SNX19: variants seen among roughly 807,000 people sequenced by gnomAD.
SNX19 encodes the protein sorting nexin-19.
Under a neutral mutation model 85.2 loss-of-function variants are expected in SNX19, and 60 were observed. The ratio of observed to expected loss-of-function variants is 0.70; its 90% CI spans 0.57 to 0.87. The LOEUF is 0.87. Ranked by LOEUF, SNX19 falls within the 40% of genes least tolerant of loss-of-function variation. The pLI, the probability that SNX19 is intolerant of heterozygous loss-of-function variation, is 0.00. For missense variants in SNX19, 1,201 were observed against 1,217.8 expected, an observed-to-expected ratio of 0.99 and a Z score of 0.21; for synonymous variants, 520 against 470.0, an observed-to-expected ratio of 1.11 and a Z score of -1.38.
At chr11:130,907,500 A>T (rs1399095809) in intron 5 of SNX19, among the ~76,000 whole-genome samples, 2 of 152,206 alleles carry the variant, frequency 1.3e-5, no homozygotes, top group African/African-American at 2.4e-5. Context: ...TCAACCAGTT[A>T]CTAAAATAGG....
rs1205099936 is a variant in SNX19, at chr11:130,907,964, C to T, written c.2154G>A (p.Lys718=). Residue 718 remains lysine, a synonymous_variant, in exon 5 of 11, where the codon AAG becomes AAA. Coordinates refer to ENST00000265909, the MANE Select transcript of SNX19 (RefSeq NM_014758.3). ...ETESKPQTEG[K]KASKSRLRFS... is the part of the protein sequence containing the mutation. Reference sequence around the variant, plus strand: ...TGAGGGCTTCTCACTTGCTAGCCTTCTTGCCTTCTGTCTGGGGCTTGCTTT... The same window carrying T: ...TGAGGGCTTCTCACTTGCTAGCCTTTTTGCCTTCTGTCTGGGGCTTGCTTT... The T allele has an allele frequency of 1.2e-6, 2 of 1,614,006 alleles. No individual in the cohort carries two copies.
intron 8 of SNX19, among the ~76,000 whole-genome samples, chr11:130,882,303 T>C (rs1380326556): frequency 6.6e-6 from 1 of 152,240 alleles, no homozygotes; most frequent in Non-Finnish European, 1.5e-5. Context: ...CTGCACCACA[T>C]GGCAGCTCAT....
chr11:130,880,482 G>GA (rs1360487667), intron 9 of SNX19, 140 bp downstream of exon 9: 3 of 712,572 alleles, frequency 4.2e-6, no homozygotes, highest in Admixed American at 4.9e-5. Context: ...ATTAGCCTGG[G>GA]AAATGATGGG....
intron 8 of SNX19, among the ~76,000 whole-genome samples, chr11:130,888,189 A>C (rs745990451): frequency 6.6e-6 from 1 of 151,866 alleles, no homozygotes; most frequent in Non-Finnish European, 1.5e-5. Context: ...ATTATAGTTC[A>C]TCTTGTTGGC....
At chr11:130,895,083 G>A (rs1183263151) in intron 8 of SNX19, 3 of 985,416 alleles carry the variant, frequency 3.0e-6, no homozygotes, top group African/African-American at 1.7e-5. Flanking sequence ...ACAACAGCAG[G>A]AGATGCTTCC....
chr11:130,892,998 C>A (rs969598623), intron 8 of SNX19: 1 of 152,272 alleles, frequency 6.6e-6, no homozygotes, highest in Middle Eastern at 3.4e-3. Context: ...GGAGCAAAAC[C>A]CTTAGTGCTG....
At chr11:130,911,470 C>T (rs942817149) in intron 2 of SNX19, 163 bp downstream of exon 2, 38 of 1,451,112 alleles carry the variant, frequency 2.6e-5, no homozygotes, top group Non-Finnish European at 3.4e-5. Flanking sequence ...AATGTGATTG[C>T]TGCTGTCCAG....
At chr11:130,882,793 C>T (rs568588326) in intron 8 of SNX19, among the ~76,000 whole-genome samples, 59 of 152,266 alleles carry the variant, frequency 3.9e-4, no homozygotes, top group African/African-American at 1.3e-3. Context: ...CTTTCTTCAC[C>T]TCAAGCCATG....
At chr11:130,899,186 TAA>T (rs1174949944) in intron 8 of SNX19, among the ~76,000 whole-genome samples, 1 of 152,340 alleles carries the variant, frequency 6.6e-6, no homozygotes, top group Admixed American at 6.5e-5. Flanking sequence ...GTATTTGCAC[TAA>T]GTCAACTCTC....
rs1946571510 is a variant in SNX19 at position 130,916,147 on chromosome 11, C to G, written c.-208G>C. The G allele has an allele frequency of 1.7e-6, 1 of 585,432 alleles. No homozygotes were observed. 36.3% of individuals were successfully genotyped at this position (585,432 alleles called of 1,614,324 possible). A position where few individuals can be genotyped will look rare whatever the true frequency, so the allele number is the denominator to read the frequency against. On this transcript the variant is annotated 5_prime_UTR_variant, in exon 1 of 11. Transcript: ENST00000265909. ...CCCCATGGCTACCACTAACAGAGCCCTCCAACTCGCCCCTTCCAGCTGAGG... is the reference window on the plus strand; with the variant it reads ...CCCCATGGCTACCACTAACAGAGCCGTCCAACTCGCCCCTTCCAGCTGAGG...
chr11:130,914,812 C>T lies in SNX19; in HGVS notation c.1128G>A (p.Pro376=), dbSNP rs61736752. Residue 376 remains proline (P), a synonymous_variant, in exon 1 of 11, where the codon CCG becomes CCA. Coordinates refer to ENST00000265909, the MANE Select transcript of SNX19 (RefSeq NM_014758.3). Reference sequence around the variant, plus strand: ...TGGTTTCTTTGCCCAGTTCAGACAGCGGAGACTCCAGCTCTGAGTCTTCAC... The same window carrying T: ...TGGTTTCTTTGCCCAGTTCAGACAGTGGAGACTCCAGCTCTGAGTCTTCAC... ...FLCEDSELES[P]LSELGKETIM... 306,710 of 1,613,252 alleles carry T rather than the reference C, an allele frequency of 0.19. 30,657 individuals are homozygous for T. The highest frequency in any genetic ancestry group is 0.21 in the Middle Eastern group (1,251 of 6,060).
At chr11:130,899,768 G>A (rs1945134278) in intron 8 of SNX19, among the ~76,000 whole-genome samples, 1 of 152,184 alleles carries the variant, frequency 6.6e-6, no homozygotes, top group Non-Finnish European at 1.5e-5. Flanking sequence ...GTTACAACAA[G>A]TTTTTCAAAA....
intron 6 of SNX19, among the ~76,000 whole-genome samples, chr11:130,906,416 G>C (rs1945673812): frequency 6.6e-6 from 1 of 152,104 alleles, no homozygotes; most frequent in Admixed American, 6.5e-5. Context: ...AACCCACCAT[G>C]GTTGAGAAGC....
rs61759531 is a variant in SNX19, at chr11:130,903,384, C to G, written c.2444G>C (p.Gly815Ala). ...PAQDPSNSDP[G>A]TETELADTAL... is the part of the protein sequence containing the mutation. ...TGTGTCAGCTAACTCTGTCTCTGTT[C>G]CTGAGGGATAAAATGGCATCAGGAG... The change falls in exon 8 of 11, where the codon GGA becomes GCA. Residue 815 changes from glycine (G) to alanine (A), a missense_variant and splice_region_variant. Coordinates refer to ENST00000265909, the MANE Select transcript of SNX19 (RefSeq NM_014758.3). The G allele has an allele frequency of 8.7e-3, 13,954 of 1,611,990 alleles. 89 individuals carry two copies. The highest frequency in any genetic ancestry group is 0.01 in the Non-Finnish European group (12,158 of 1,179,706).
chr11:130,900,639 T>C (rs1482204881), intron 8 of SNX19, among the ~76,000 whole-genome samples: 1 of 152,196 alleles, frequency 6.6e-6, no homozygotes, highest in Non-Finnish European at 1.5e-5. Context: ...TCAATCTTTT[T>C]TGAATTTCTC....
Position 130,866,288 on chromosome 11 carries a change from C to T in SNX19, c.*12134G>A, listed in dbSNP as rs1194844188. 1 of 152,114 alleles carries T rather than the reference C, an allele frequency of 6.6e-6. No individual in the cohort carries two copies. The highest frequency in any genetic ancestry group is 1.5e-5 in the Non-Finnish European group (1 of 68,028). The allele number at this position is 152,114 out of a possible 1,614,324, so 9.4% of individuals were successfully genotyped here. On this transcript the variant is annotated 3_prime_UTR_variant, in exon 11 of 11. Transcript: ENST00000265909. ...CTATTTACTAAGCATTTTTTATGTG[C>T]AGGAGAGAGTACAAACCAACATGCA...
rs1309721009 is a variant in SNX19, at chr11:130,914,779, G to A, written c.1161C>T (p.Leu387=). Residue 387 remains leucine, a synonymous_variant, in exon 1 of 11, where the codon CTC becomes CTT. Coordinates refer to ENST00000265909, the MANE Select transcript of SNX19 (RefSeq NM_014758.3). ...CAGAGAGAAAGCTGCCTGGAGTCAT[G>A]AGCATGATGGTTTCTTTGCCCAGTT... ...LSELGKETIM[L]MTPGSFLSDR... 2 of 1,614,102 alleles carry A rather than the reference G, an allele frequency of 1.2e-6. No individual in the cohort carries two copies. The highest frequency in any genetic ancestry group is 1.7e-6 in the Non-Finnish European group (2 of 1,180,054).
chr11:130,916,027 G>C lies in SNX19; in HGVS notation c.-88C>G, dbSNP rs942326657. ...GAAGGGGGGCATGAACTGTGTCTCA[G>C]ATATGGGGCGATCTGGGTGCTGTTC... On this transcript the variant is annotated 5_prime_UTR_variant, in exon 1 of 11. The change creates a new upstream start codon in the 5' untranslated region. Coordinates refer to ENST00000265909, the MANE Select transcript of SNX19 (RefSeq NM_014758.3). The C allele has an allele frequency of 1.3e-5, 16 of 1,206,330 alleles. No homozygotes were observed. In the African/African-American group the frequency reaches 2.0e-4, roughly 15 times the overall value. 74.7% of individuals were successfully genotyped at this position (1,206,330 alleles called of 1,614,324 possible). A position where few individuals can be genotyped will look rare whatever the true frequency, so the allele number is the denominator to read the frequency against.
chr11:130,890,957 A>G (rs940662551), intron 8 of SNX19, among the ~76,000 whole-genome samples: 2 of 151,424 alleles, frequency 1.3e-5, no homozygotes, highest in African/African-American at 4.9e-5. Context: ...ATCAATAAAT[A>G]TTGGTTACTA....
Sources: gnomAD v4.1 joint callset for allele counts (sites outside exome capture counted in the v4.1 genomes callset) on GRCh38, gnomAD v4.1.1 for gene constraint, MANE v1.5 for transcripts, NCBI Gene and HGNC (gene_info 2026-07-23, HGNC 2026-07-21) for gene names.